OTOG: variants seen among roughly 807,000 people sequenced by gnomAD.
OTOG encodes the protein otogelin.
A neutral mutation model predicts 313.8 loss-of-function variants in OTOG; 296 were observed. That is an observed-to-expected ratio of 0.94 (90% CI 0.86 to 1.04). The LOEUF (loss-of-function observed/expected upper bound fraction) is 1.04, where lower values mean the gene tolerates loss of function less well. Ranked by LOEUF, OTOG falls within the 50% of genes least tolerant of loss-of-function variation. The pLI is 0.00. For missense variants in OTOG, 3,948 were observed against 3,840.1 expected, an observed-to-expected ratio of 1.03 and a Z score of -0.74; for synonymous variants, 1,533 against 1,554.9, an observed-to-expected ratio of 0.99 and a Z score of 0.33.
chr11:17,588,658 C>T (rs959927237), intron 24 of OTOG, among the ~76,000 whole-genome samples: 29 of 152,138 alleles, frequency 1.9e-4, no homozygotes, highest in Admixed American at 1.5e-3. Flanking sequence ...AGCTCTGTGA[C>T]TCTTGCCAAC....
chr11:17,635,776 C>T (rs1204855495), intron 47 of OTOG, 65 bp downstream of exon 47: 29 of 1,328,784 alleles, frequency 2.2e-5, no homozygotes, highest in South Asian at 6.3e-5. Context: ...GTTCCCACCC[C>T]GGACCAATGG....
chr11:17,573,572 C>A (rs757087331), intron 19 of OTOG, among the ~76,000 whole-genome samples: 9 of 152,190 alleles, frequency 5.9e-5, no homozygotes, highest in Admixed American at 1.3e-4. Context: ...CAAATTCACC[C>A]ACTTCTTACC....
intron 23 of OTOG, among the ~76,000 whole-genome samples, chr11:17,585,311 C>T (rs1361374966): frequency 6.6e-6 from 1 of 152,170 alleles, no homozygotes; most frequent in Non-Finnish European, 1.5e-5. Flanking sequence ...CATCATATTT[C>T]CTTATTTTCC....
Position 17,634,277 on chromosome 11 carries a change from C to A in OTOG, c.7476C>A (p.Val2492=), listed in dbSNP as rs1854206091. 1 of 1,550,004 alleles carries A rather than the reference C, an allele frequency of 6.5e-7. No individual in the cohort carries two copies. Among genetic ancestry groups the A allele is most frequent in the Admixed American group, 2.0e-5 (1 of 50,982 alleles). ...PTKDPCCLGT[V]CVCNQTLCEG... ...AGGACCCCTGCTGCCTGGGGACTGTCTGTGGTGAGTGTCCACCTTCACTTC... is the reference window on the plus strand; with the variant it reads ...AGGACCCCTGCTGCCTGGGGACTGTATGTGGTGAGTGTCCACCTTCACTTC... The change falls in exon 44 of 56, where the codon GTC becomes GTA. Residue 2492 remains valine (V), a synonymous_variant. Coordinates refer to ENST00000399397, the MANE Select transcript of OTOG (RefSeq NM_001292063.2).
chr11:17,636,610 G>A (rs1854272313), intron 47 of OTOG, among the ~76,000 whole-genome samples: 1 of 152,132 alleles, frequency 6.6e-6, no homozygotes, highest in Non-Finnish European at 1.5e-5. Flanking sequence ...GAGCTTGTTG[G>A]CCCACTTGCC....
intron 53 of OTOG, 65 bp downstream of exon 53, chr11:17,642,311 G>A: frequency 3.3e-6 from 5 of 1,499,662 alleles, no homozygotes; most frequent in South Asian, 1.3e-5. Context: ...TGGTGGTGGG[G>A]TGGAGGTCCT....
intron 4 of OTOG, among the ~76,000 whole-genome samples, chr11:17,552,524 C>T: frequency 7.5e-6 from 1 of 133,720 alleles, no homozygotes; most frequent in South Asian, 2.4e-4. Context: ...GTGTCTGTTC[C>T]TACCTCCCCC....
intron 32 of OTOG, among the ~76,000 whole-genome samples, chr11:17,603,861 G>A (rs1046928548): frequency 8.5e-5 from 13 of 152,160 alleles, no homozygotes; most frequent in African/African-American, 3.1e-4. Context: ...AGGTCACCGG[G>A]GTGCTAGTGT....
At chr11:17,569,423 A>G in intron 16 of OTOG, 135 bp downstream of exon 16, 1 of 1,269,606 alleles carries the variant, frequency 7.9e-7, no homozygotes, top group Non-Finnish European at 1.1e-6. Flanking sequence ...AGGATAGGGG[A>G]CACTTTGGTT....
intron 35 of OTOG, 46 bp from the exon 36 acceptor site, chr11:17,609,609 G>A: frequency 7.0e-7 from 1 of 1,429,036 alleles, no homozygotes. Context: ...TGACCCCCGG[G>A]GCAGCAGTCA....
At chr11:17,627,250 G>T (rs1021536345) in intron 39 of OTOG, among the ~76,000 whole-genome samples, 4 of 151,886 alleles carry the variant, frequency 2.6e-5, no homozygotes, top group African/African-American at 9.7e-5. Context: ...TACTAGCTGT[G>T]GTTCTGTCAT....
chr11:17,608,170 T>G (rs1306716246), intron 33 of OTOG, 126 bp from the exon 34 acceptor site: 3 of 627,392 alleles, frequency 4.8e-6, no homozygotes, highest in Non-Finnish European at 7.9e-6. Context: ...GTGTGGTTTT[T>G]TCCCCATTTG....
At chr11:17,641,732 G>A (rs930860522) in intron 51 of OTOG, 115 bp from the exon 52 acceptor site, 20 of 707,762 alleles carry the variant, frequency 2.8e-5, no homozygotes, top group African/African-American at 5.4e-5. Context: ...GCCTCTTCTC[G>A]AGCACTTACA....
chr11:17,598,181 T>G (rs1055434903), intron 30 of OTOG, among the ~76,000 whole-genome samples: 1 of 151,904 alleles, frequency 6.6e-6, no homozygotes. Context: ...TAGGGGGAGG[T>G]GATTGAGGTG....
intron 47 of OTOG, among the ~76,000 whole-genome samples, chr11:17,636,809 A>C (rs1554979617): frequency 6.6e-6 from 1 of 151,664 alleles, no homozygotes; most frequent in Non-Finnish European, 1.5e-5. Flanking sequence ...TCTGAGCCTC[A>C]GTTGGGCTGT....
At chr11:17,549,025 T>C (rs75299241) in intron 3 of OTOG, among the ~76,000 whole-genome samples, 4,979 of 152,250 alleles carry the variant, frequency 0.033, 283 homozygotes, top group African/African-American at 0.11. Context: ...CCTCTATCCT[T>C]TGAGTCTTGA....
At chr11:17,626,698 G>T (rs1191624662) in intron 39 of OTOG, among the ~76,000 whole-genome samples, 1 of 152,068 alleles carries the variant, frequency 6.6e-6, no homozygotes, top group Non-Finnish European at 1.5e-5. Context: ...TGAATCTGTA[G>T]GTTTCTTTGG....
intron 33 of OTOG, 21 bp from the exon 34 acceptor site, chr11:17,608,275 C>G: frequency 6.8e-7 from 1 of 1,479,882 alleles, no homozygotes; most frequent in South Asian, 1.3e-5. Context: ...CCCAGAGTTG[C>G]TGCCCCATCT....
rs979185551 is a variant in OTOG at position 17,610,222 on chromosome 11, C to A, written c.4922C>A (p.Ala1641Glu). The A allele has an allele frequency of 1.3e-6, 2 of 1,550,406 alleles. No homozygotes were observed. The highest frequency in any genetic ancestry group is 2.7e-5 in the African/African-American group (2 of 73,056). ...ACACCCCCACAGCCCTCCTTGACAG[C>A]AAGTCCCTCCTCCAGACCTGTGGCT... is the stretch of plus-strand genomic sequence containing the variant. ...RTTPPQPSLT[A>E]SPSSRPVASP... Residue 1641 changes from alanine (A) to glutamate (E), a missense_variant, in exon 36 of 56, where the codon GCA becomes GAA. Transcript: ENST00000399397.
Sources: gnomAD v4.1 joint callset for allele counts (sites outside exome capture counted in the v4.1 genomes callset) on GRCh38, gnomAD v4.1.1 for gene constraint, MANE v1.5 for transcripts, NCBI Gene and HGNC (gene_info 2026-07-23, HGNC 2026-07-21) for gene names.